Variants in NCEH1 observed in about 807,000 individuals in gnomAD.
The protein encoded by NCEH1 is neutral cholesterol ester hydrolase 1.
Under a neutral mutation model 25.4 loss-of-function variants are expected in NCEH1, and 9 were observed. The observed-to-expected ratio is 0.35, with a 90% CI of 0.21 to 0.62. NCEH1 has a LOEUF of 0.62. Ranked by LOEUF, NCEH1 falls within the 20% of genes least tolerant of loss-of-function variation. The probability of loss-of-function intolerance (pLI) is 0.72; values close to 1 mark genes in which losing one functional copy is unlikely to be tolerated. For missense variants in NCEH1, 412 were observed against 501.1 expected (o/e 0.82, Z 1.70); for synonymous variants, 200 against 199.8 (o/e 1.00, Z -0.01).
chr3:172,641,962 C>A (rs1716870933), intron 3 of NCEH1, among the ~76,000 whole-genome samples: 1 of 152,162 alleles, frequency 6.6e-6, no homozygotes, highest in African/African-American at 2.4e-5. Flanking sequence ...TCACTTATCA[C>A]ACTTTTAACA....
chr3:172,645,297 T>G (rs1368777589), intron 3 of NCEH1, among the ~76,000 whole-genome samples: 2 of 152,222 alleles, frequency 1.3e-5, no homozygotes, highest in Non-Finnish European at 2.9e-5. Context: ...AGAGATTCTC[T>G]TAAAATCCTT....
intron 1 of NCEH1, among the ~76,000 whole-genome samples, chr3:172,648,691 T>G (rs170883): frequency 0.78 from 118,124 of 151,894 alleles, 46,302 homozygotes; most frequent in East Asian, 0.94. Context: ...AAAGAAACAT[T>G]GTCAAGGGAG....
intron 1 of NCEH1, among the ~76,000 whole-genome samples, chr3:172,701,062 A>G (rs1241817048): frequency 6.6e-6 from 1 of 152,086 alleles, no homozygotes; most frequent in Non-Finnish European, 1.5e-5. Flanking sequence ...CTCCAAACAC[A>G]TTCATTTCAA....
intron 1 of NCEH1, among the ~76,000 whole-genome samples, chr3:172,677,411 T>C (rs1712074106): frequency 6.6e-6 from 1 of 152,260 alleles, no homozygotes. Flanking sequence ...ATTCACATGG[T>C]GATCATGACA....
chr3:172,699,724 G>A (rs1713579338), intron 1 of NCEH1, among the ~76,000 whole-genome samples: 1 of 152,108 alleles, frequency 6.6e-6, no homozygotes, highest in African/African-American at 2.4e-5. Flanking sequence ...AATCAGCTGG[G>A]CATGGTGGTG....
At chr3:172,674,230 AGGAGTTCAAGACCAGCCT>A (rs1023439775) in intron 1 of NCEH1, among the ~76,000 whole-genome samples, 2 of 152,056 alleles carry the variant, frequency 1.3e-5, no homozygotes, top group Non-Finnish European at 2.9e-5. Flanking sequence ...TCACGAGGTC[AGGAGTTCAAGACCAGCCT>A]GGCCAACATG....
intron 1 of NCEH1, among the ~76,000 whole-genome samples, chr3:172,653,744 G>GGT (rs1553830325): frequency 3.1e-5 from 3 of 95,658 alleles, no homozygotes; most frequent in African/African-American, 1.3e-4. Flanking sequence ...TGTTTTTTTT[G>GGT]TTTTTTTGTT....
At chr3:172,669,903 AGTT>A (rs1383312806) in intron 1 of NCEH1, among the ~76,000 whole-genome samples, 2 of 152,246 alleles carry the variant, frequency 1.3e-5, no homozygotes, top group African/African-American at 4.8e-5. Context: ...CCATAATATT[AGTT>A]GATAGTCCAT....
rs776358719 is a variant in NCEH1 at position 172,710,933 on chromosome 3, A to C, written c.52T>G (p.Tyr18Asp). ...LTALVALAAY[Y>D]VYIPLPGSVS... ...GAGCCAGGCAGCGGGATGTAGACGT[A>C]ATAGGCGGCCAGCGCCACCAGGGCG... Residue 18 changes from tyrosine to aspartate, a missense_variant, in exon 1 of 5, where the codon TAC becomes GAC. Around this residue, in one of 3 missense-constraint regions of NCEH1, gnomAD observed 178 missense variants for 189.2 expected, o/e 0.94. Transcript: ENST00000475381. 1 of 1,614,160 alleles carries C rather than the reference A, an allele frequency of 6.2e-7. No individual in the cohort carries two copies. Among genetic ancestry groups the C allele is most frequent in the Non-Finnish European group, 8.5e-7 (1 of 1,180,022 alleles).
In NCEH1 at chr3:172,694,378, A is replaced by G. The variant is rs535083540; in HGVS notation, c.138+16469T>C. On this transcript the variant is annotated intron_variant, in intron 1 of 4. Transcript: ENST00000475381. The stretch of plus-strand genomic sequence containing the variant: ...GTTATTTGGGGAAAGAGTTATATAT[A>G]TGTGTGTGTGTGTGTCTGTGTGTGT... Among the ~76,000 whole-genome samples the G allele has an allele frequency of 2.8e-4, 43 of 151,350 alleles. 1 individual carries two copies. In the East Asian group the frequency reaches 2.9e-3, roughly 10 times the overall value.
At chr3:172,704,622 T>G (rs1244507350) in intron 1 of NCEH1, among the ~76,000 whole-genome samples, 1 of 152,234 alleles carries the variant, frequency 6.6e-6, no homozygotes, top group African/African-American at 2.4e-5. Flanking sequence ...GGTTTTAATT[T>G]TATTAAACAC....
chr3:172,680,894 G>A (rs572754556), intron 1 of NCEH1: 1 of 152,058 alleles, frequency 6.6e-6, no homozygotes, highest in South Asian at 2.1e-4. Flanking sequence ...TTTATTGAGA[G>A]CCTGCCTAGC....
At chr3:172,648,636 T>G (rs560884094) in intron 1 of NCEH1, among the ~76,000 whole-genome samples, 1 of 152,332 alleles carries the variant, frequency 6.6e-6, no homozygotes, top group East Asian at 1.9e-4. Context: ...TATTTAATTG[T>G]ATCTTTAAAT....
At chr3:172,659,949 C>A (rs1377543936) in intron 1 of NCEH1, among the ~76,000 whole-genome samples, 1 of 151,412 alleles carries the variant, frequency 6.6e-6, no homozygotes, top group Non-Finnish European at 1.5e-5. Flanking sequence ...CTTGGTAAGG[C>A]TTTTTCTTTT....
chr3:172,637,360 G>C (rs1716640436), intron 3 of NCEH1, among the ~76,000 whole-genome samples: 1 of 152,176 alleles, frequency 6.6e-6, no homozygotes, highest in East Asian at 1.9e-4. Flanking sequence ...GAAGACTCAA[G>C]ACTTTTGATT....
intron 3 of NCEH1, among the ~76,000 whole-genome samples, chr3:172,643,880 G>A (rs945066945): frequency 1.3e-5 from 2 of 152,182 alleles, no homozygotes; most frequent in African/African-American, 4.8e-5. Flanking sequence ...GTAGGGCCTT[G>A]TCTCCTTAAA....
intron 1 of NCEH1, among the ~76,000 whole-genome samples, chr3:172,683,468 A>C (rs1422920664): frequency 6.6e-6 from 1 of 151,990 alleles, no homozygotes; most frequent in Middle Eastern, 3.2e-3. Context: ...CCAGGAGTTC[A>C]AGACAAGCCT....
intron 1 of NCEH1, among the ~76,000 whole-genome samples, chr3:172,694,380 GTGTGTGTGTGTGTC>G (rs942367255): frequency 2.2e-4 from 26 of 115,804 alleles, no homozygotes; most frequent in African/African-American, 7.8e-4. Flanking sequence ...TTATATATAT[GTGTGTGTGTGTGTC>G]TGTGTGTGTG....
At position 172,679,483 on chromosome 3, in the gene NCEH1, T is replaced by A. The variant is rs762382636; in HGVS notation, c.138+31364A>T. Among the ~76,000 whole-genome samples the A allele has an allele frequency of 2.0e-5, 3 of 152,310 alleles. No individual in the cohort carries two copies. The East Asian group carries it at 5.8e-4, about 29-fold the overall frequency. On this transcript the variant is annotated intron_variant, in intron 1 of 4. Coordinates refer to ENST00000475381, the MANE Select transcript of NCEH1 (RefSeq NM_020792.6). ...TTATAGTCTCCAATGTCTATAATAT[T>A]CCATTCTGTATGTACCGCACACCCA...
Sources: allele counts gnomAD v4.1 joint callset (sites outside exome capture counted in the v4.1 genomes callset), GRCh38; gene constraint gnomAD v4.1.1; regional missense constraint gnomAD v4.1.1; transcripts MANE v1.5; gene names NCBI Gene and HGNC (gene_info 2026-07-23, HGNC 2026-07-21).